Variants in STX7 observed in about 807,000 individuals in gnomAD.
STX7 encodes syntaxin-7.
Under a neutral mutation model 39.6 loss-of-function variants are expected in STX7, and 34 were observed. The ratio of observed to expected loss-of-function variants is 0.86; its 90% CI spans 0.65 to 1.14. STX7 has a LOEUF of 1.14. Ranked by LOEUF, STX7 falls within the 50% of genes most tolerant of loss-of-function variation. The pLI is 0.00. For synonymous variants in STX7, 119 were observed against 99.1 expected (o/e 1.20, Z -1.19); for missense variants, 284 against 310.4 (o/e 0.92, Z 0.64).
At chr6:132,483,075 C>T (rs549002634) in intron 2 of STX7, among the ~76,000 whole-genome samples, 15 of 152,118 alleles carry the variant, frequency 9.9e-5, no homozygotes, top group African/African-American at 3.6e-4. Context: ...TTACTAAAAC[C>T]TTGTATTTAA....
At chr6:132,462,617 G>GTT (rs1774440877) in intron 9 of STX7, among the ~76,000 whole-genome samples, 1 of 148,880 alleles carries the variant, frequency 6.7e-6, no homozygotes, top group South Asian at 2.1e-4. Flanking sequence ...GTGTGTGTGT[G>GTT]TGTGTTTTCA....
At chr6:132,475,779 G>C in intron 2 of STX7, 117 bp from the exon 3 acceptor site, 1 of 386,804 alleles carries the variant, frequency 2.6e-6, no homozygotes, top group Non-Finnish European at 4.3e-6. Context: ...AAACAAAGAT[G>C]AAAATAGAAA....
Position 132,450,351 on chromosome 6 carries a change from G to T in STX7, c.*10407C>A, listed in dbSNP as rs746225906. On this transcript the variant is annotated 3_prime_UTR_variant, in exon 10 of 10. Transcript: ENST00000367941. ...TCATTTTCTGTTTTGTGATATATTG[G>T]CATAAAGTTGTTTATAGTGTCTTAT... 6.6e-6 allele frequency: 1 copy of T among 152,014 alleles called. No individual in the cohort carries two copies. The highest frequency in any genetic ancestry group is 2.1e-4 in the South Asian group (1 of 4,818). 9.4% of individuals were successfully genotyped at this position (152,014 alleles called of 1,614,324 possible).
chr6:132,473,512 A>ATTTT (rs1197727524), intron 3 of STX7, among the ~76,000 whole-genome samples: 1 of 109,030 alleles, frequency 9.2e-6, no homozygotes, highest in Non-Finnish European at 1.9e-5. Context: ...TTTTTTTATT[A>ATTTT]TTGTGTTGTT....
chr6:132,467,083 C>A (rs1402269692), intron 8 of STX7, among the ~76,000 whole-genome samples: 1 of 152,190 alleles, frequency 6.6e-6, no homozygotes, highest in East Asian at 1.9e-4. Flanking sequence ...CTTTTTCCAG[C>A]AGCCAAGTGA....
chr6:132,462,172 C>A (rs980469648), intron 9 of STX7, among the ~76,000 whole-genome samples: 1 of 152,188 alleles, frequency 6.6e-6, no homozygotes, highest in Non-Finnish European at 1.5e-5. Flanking sequence ...CTCCCCCTAG[C>A]GTGGGGTAAT....
intron 2 of STX7, among the ~76,000 whole-genome samples, chr6:132,491,551 C>A (rs1456606584): frequency 1.3e-5 from 2 of 152,146 alleles, no homozygotes; most frequent in Non-Finnish European, 2.9e-5. Context: ...TTCTGGCTCG[C>A]TGCCATTCTG....
chr6:132,469,974 C>G lies in STX7; in HGVS notation c.514G>C (p.Glu172Gln). The G allele has an allele frequency of 1.2e-6, 2 of 1,600,046 alleles. No homozygotes were observed. ...ACTTCAAGTTGCCTGATAGAAGATT[C>G]TCTCTCATGAATAAGACGGAGGTCA... ...EDDLRLIHER[E>Q]SSIRQLEADI... The change falls in exon 7 of 10, where the codon GAA becomes CAA. Residue 172 changes from glutamate to glutamine, a missense_variant. By Grantham distance (29) the Glu-to-Gln change is conservative. Coordinates refer to ENST00000367941, the MANE Select transcript of STX7 (RefSeq NM_003569.3).
rs1348933555 is a variant in STX7 at position 132,451,041 on chromosome 6, T to C, written c.*9717A>G. On this transcript the variant is annotated 3_prime_UTR_variant, in exon 10 of 10. Coordinates refer to ENST00000367941, the MANE Select transcript of STX7 (RefSeq NM_003569.3). ...AAAAAAGACAAATGACACCTATCTA[T>C]AGGGACCAAAACAATTTAAAAAACT... 1.3e-5 allele frequency: 2 copies of C among 149,434 alleles called. No homozygotes were observed. The highest frequency in any genetic ancestry group is 3.0e-5 in the Non-Finnish European group (2 of 67,530). 9.3% of individuals were successfully genotyped at this position (149,434 alleles called of 1,614,324 possible). A position where few individuals can be genotyped will look rare whatever the true frequency, so the allele number is the denominator to read the frequency against.
At chr6:132,463,092 C>T (rs1774455135) in intron 9 of STX7, among the ~76,000 whole-genome samples, 1 of 151,912 alleles carries the variant, frequency 6.6e-6, no homozygotes, top group Admixed American at 6.6e-5. Flanking sequence ...CGTGGGGGTA[C>T]ACACTATTCG....
chr6:132,480,465 A>G (rs1208469134), intron 2 of STX7, among the ~76,000 whole-genome samples: 1 of 152,184 alleles, frequency 6.6e-6, no homozygotes, highest in East Asian at 1.9e-4. Flanking sequence ...CATTTGTACA[A>G]TTTTTTCCAT....
Position 132,463,951 on chromosome 6 carries a change from G to C in STX7, c.693+42C>G, listed in dbSNP as rs540855425. ...AACACAAACACACACACACACATACGAAAAGGATAAGTTATAAGAAAATTG... is the reference window on the plus strand; with the variant it reads ...AACACAAACACACACACACACATACCAAAAGGATAAGTTATAAGAAAATTG... On this transcript the variant is annotated intron_variant, in intron 9 of 9. Coordinates refer to ENST00000367941, the MANE Select transcript of STX7 (RefSeq NM_003569.3). 14 of 1,585,742 alleles carry C rather than the reference G, an allele frequency of 8.8e-6. No individual in the cohort carries two copies. In the South Asian group the frequency reaches 1.5e-4, roughly 18 times the overall value.
At chr6:132,498,974 C>A (rs991916216) in intron 2 of STX7, among the ~76,000 whole-genome samples, 1 of 152,112 alleles carries the variant, frequency 6.6e-6, no homozygotes, top group East Asian at 1.9e-4. Context: ...CCTTCTTTCC[C>A]GCCCATTCTC....
At chr6:132,466,351 T>A (rs1774563902) in intron 8 of STX7, among the ~76,000 whole-genome samples, 1 of 152,110 alleles carries the variant, frequency 6.6e-6, no homozygotes, top group Non-Finnish European at 1.5e-5. Flanking sequence ...TTCCTTAGTC[T>A]TTTTATTTGT....
intron 2 of STX7, among the ~76,000 whole-genome samples, chr6:132,499,769 T>C (rs546342747): frequency 1.3e-4 from 20 of 152,320 alleles, no homozygotes; most frequent in African/African-American, 4.8e-4. Flanking sequence ...ATACCATTTA[T>C]ACTCTGAGGA....
chr6:132,489,997 A>G (rs966629907), intron 2 of STX7, among the ~76,000 whole-genome samples: 7 of 152,334 alleles, frequency 4.6e-5, no homozygotes, highest in Admixed American at 4.6e-4. Flanking sequence ...TGGCTGGAAC[A>G]TTACAAGCTG....
chr6:132,472,401 G>T (rs754172786), intron 3 of STX7, 26 bp from the exon 4 acceptor site: 8 of 1,548,486 alleles, frequency 5.2e-6, no homozygotes, highest in Non-Finnish European at 8.9e-7. Context: ...ACGCATTACA[G>T]CCAAAGGACT....
chr6:132,478,284 C>T (rs1017811781), intron 2 of STX7, among the ~76,000 whole-genome samples: 4 of 152,054 alleles, frequency 2.6e-5, no homozygotes, highest in Non-Finnish European at 4.4e-5. Flanking sequence ...ATCAATTTTG[C>T]AAAGTACAAA....
Position 132,456,876 on chromosome 6 carries a change from T to C in STX7, c.*3882A>G, listed in dbSNP as rs538517957. On this transcript the variant is annotated 3_prime_UTR_variant, in exon 10 of 10. Transcript: ENST00000367941. ...TCTGTCTCTGGTTCTAAGTTGAGAG[T>C]TGACCATGAGAAAAGGAGAGACCAT... 9.8e-5 allele frequency: 15 copies of C among 152,314 alleles called. No individual in the cohort carries two copies. Among genetic ancestry groups the C allele is most frequent in the Admixed American group, 4.6e-4 (7 of 15,302 alleles). 9.4% of individuals were successfully genotyped at this position (152,314 alleles called of 1,614,324 possible). A position where few individuals can be genotyped will look rare whatever the true frequency, so the allele number is the denominator to read the frequency against.
Sources: allele counts gnomAD v4.1 joint callset (sites outside exome capture counted in the v4.1 genomes callset), GRCh38; gene constraint gnomAD v4.1.1; transcripts MANE v1.5; gene names NCBI Gene and HGNC (gene_info 2026-07-23, HGNC 2026-07-21).